Variants in RANBP2 observed in about 807,000 individuals in gnomAD.
The protein encoded by RANBP2 is E3 SUMO-protein ligase RanBP2.
Under a neutral mutation model 303.6 loss-of-function variants are expected in RANBP2, and 57 were observed. That is an observed-to-expected ratio of 0.19 (90% CI 0.15 to 0.23). RANBP2 has a LOEUF of 0.23. RANBP2 is among the 10% of genes least tolerant of loss of function. The pLI is 1.00. For synonymous variants in RANBP2, 1,167 were observed against 1,301.5 expected, an observed-to-expected ratio of 0.90 and a Z score of 2.23; for missense variants, 3,138 against 3,780.8, an observed-to-expected ratio of 0.83 and a Z score of 4.46.
At chr2:109,547,471 G>A in the RANBP2 span, among the ~76,000 whole-genome samples, 1 of 146,314 alleles carries the variant, frequency 6.8e-6, no homozygotes, top group Non-Finnish European at 1.5e-5. Flanking sequence ...TGAGTTTCAA[G>A]AGATTTCTCT....
chr2:108,889,927 G>T, the RANBP2 span, among the ~76,000 whole-genome samples: 1 of 152,020 alleles, frequency 6.6e-6, no homozygotes, highest in Non-Finnish European at 1.5e-5. Context: ...TTATGTGATT[G>T]CTTTACCAGT....
chr2:108,875,362 G>T, the RANBP2 span, among the ~76,000 whole-genome samples: 1 of 148,412 alleles, frequency 6.7e-6, no homozygotes, highest in African/African-American at 2.5e-5. Flanking sequence ...TGATTGAAAT[G>T]AAATTACTGA....
chr2:109,210,437 A>G, the RANBP2 span, among the ~76,000 whole-genome samples: 2 of 152,222 alleles, frequency 1.3e-5, no homozygotes, highest in African/African-American at 2.4e-5. Flanking sequence ...GTGAGGCTAC[A>G]TGTTGTTTTC....
chr2:109,521,301 G>A, the RANBP2 span, among the ~76,000 whole-genome samples: 19 of 152,298 alleles, frequency 1.2e-4, no homozygotes, highest in African/African-American at 4.3e-4. Flanking sequence ...AAGCCAAGAG[G>A]GGCAGGGACA....
At chr2:109,003,586 T>G in the RANBP2 span, among the ~76,000 whole-genome samples, 1 of 152,142 alleles carries the variant, frequency 6.6e-6, no homozygotes, top group Admixed American at 6.5e-5. Context: ...AATTTTTGTA[T>G]TTTTAGTGGA....
the RANBP2 span, among the ~76,000 whole-genome samples, chr2:109,472,768 T>A: frequency 6.6e-6 from 1 of 152,184 alleles, no homozygotes; most frequent in Non-Finnish European, 1.5e-5. Flanking sequence ...TTTATGGCTG[T>A]GTTGTATTTG....
chr2:109,433,139 A>C, the RANBP2 span, among the ~76,000 whole-genome samples: 1 of 152,206 alleles, frequency 6.6e-6, no homozygotes, highest in African/African-American at 2.4e-5. Flanking sequence ...TGTAAGCACA[A>C]GGTGTGTGCG....
At chr2:108,890,373 T>C in the RANBP2 span, among the ~76,000 whole-genome samples, 2 of 151,924 alleles carry the variant, frequency 1.3e-5, no homozygotes, top group African/African-American at 4.8e-5. Flanking sequence ...GCCTCCTTAG[T>C]AGCTGGGACC....
the RANBP2 span, among the ~76,000 whole-genome samples, chr2:109,355,325 C>T: frequency 6.6e-6 from 1 of 152,326 alleles, no homozygotes; most frequent in South Asian, 2.1e-4. Flanking sequence ...CTTCATCTGA[C>T]TCTTGGTGAT....
the RANBP2 span, among the ~76,000 whole-genome samples, chr2:109,609,987 C>T: frequency 6.6e-6 from 1 of 151,958 alleles, no homozygotes; most frequent in East Asian, 1.9e-4. Flanking sequence ...TGATGCAATT[C>T]CTAATAAGGA....
the RANBP2 span, among the ~76,000 whole-genome samples, chr2:109,305,003 G>A: frequency 6.6e-6 from 1 of 152,202 alleles, no homozygotes; most frequent in Non-Finnish European, 1.5e-5. Context: ...TGCCTCATTT[G>A]TCTGGATATC....
At chr2:109,025,535 C>T in the RANBP2 span, among the ~76,000 whole-genome samples, 7 of 152,234 alleles carry the variant, frequency 4.6e-5, no homozygotes, top group South Asian at 1.0e-3. Flanking sequence ...AGGGCGGGTG[C>T]GGTGGCTCAC....
chr2:109,058,997 C>T, the RANBP2 span, among the ~76,000 whole-genome samples: 5 of 151,996 alleles, frequency 3.3e-5, no homozygotes, highest in African/African-American at 1.2e-4. Context: ...CTGTGCACAG[C>T]CAGAGATATG....
downstream of RANBP2, among the ~76,000 whole-genome samples, chr2:108,790,677 G>A (rs1272155971): frequency 6.6e-6 from 1 of 152,156 alleles, no homozygotes; most frequent in Non-Finnish European, 1.5e-5. Context: ...CTGCAACCTG[G>A]GTGACAGAGT....
the RANBP2 span, among the ~76,000 whole-genome samples, chr2:109,078,095 T>TATATATATATATATATATATGGC: frequency 9.3e-5 from 5 of 53,550 alleles, no homozygotes; most frequent in African/African-American, 5.7e-4. Flanking sequence ...TATATATATA[T>TATATATATATATATATATATGGC]ATATATATAT....
the RANBP2 span, among the ~76,000 whole-genome samples, chr2:109,329,090 C>T: frequency 6.6e-6 from 1 of 152,172 alleles, no homozygotes; most frequent in African/African-American, 2.4e-5. Flanking sequence ...GAATATTTAT[C>T]TCTTCCTTTT....
the RANBP2 span, among the ~76,000 whole-genome samples, chr2:108,860,841 C>T: frequency 2.1e-4 from 32 of 149,038 alleles, no homozygotes; most frequent in African/African-American, 7.8e-4. Context: ...GGAGTCCCTC[C>T]TCCTCGATAT....
chr2:109,055,578 G>A, the RANBP2 span, among the ~76,000 whole-genome samples: 2 of 149,542 alleles, frequency 1.3e-5, no homozygotes, highest in Non-Finnish European at 3.0e-5. Context: ...TAGAGACAGG[G>A]TTTCACCATA....
chr2:108,952,140 C>T, the RANBP2 span, among the ~76,000 whole-genome samples: 1 of 152,134 alleles, frequency 6.6e-6, no homozygotes, highest in South Asian at 2.1e-4. Context: ...AAAATGGTGG[C>T]ATTTGATATC....
Sources: allele counts gnomAD v4.1 joint callset (sites outside exome capture counted in the v4.1 genomes callset), GRCh38; gene constraint gnomAD v4.1.1; transcripts MANE v1.5; gene names NCBI Gene and HGNC (gene_info 2026-07-23, HGNC 2026-07-21).